Variants in DPH6 observed in about 807,000 individuals in gnomAD.
DPH6 encodes diphthamine biosynthesis 6, also known as diphthine--ammonia ligase.
In DPH6, 33 loss-of-function variants were observed where a neutral mutation model predicts 38.2. The ratio of observed to expected loss-of-function variants is 0.86; its 90% CI spans 0.65 to 1.15. DPH6 has a LOEUF of 1.15. DPH6 is among the 50% of genes most tolerant of loss of function. The pLI, the probability that DPH6 is intolerant of heterozygous loss-of-function variation, is 0.00. For synonymous variants in DPH6, 108 were observed against 103.0 expected, an observed-to-expected ratio of 1.05 and a Z score of -0.30; for missense variants, 325 against 320.0, an observed-to-expected ratio of 1.02 and a Z score of -0.12.
At chr15:35,530,148 A>T (rs947338359) in intron 3 of DPH6, among the ~76,000 whole-genome samples, 1 of 152,194 alleles carries the variant, frequency 6.6e-6, no homozygotes, top group South Asian at 2.1e-4. Flanking sequence ...ATTCTCAGTC[A>T]TTTAATAAGA....
chr15:35,535,526 T>C (rs984858108), intron 3 of DPH6, among the ~76,000 whole-genome samples: 3 of 152,162 alleles, frequency 2.0e-5, no homozygotes, highest in African/African-American at 7.2e-5. Flanking sequence ...CCTACATATA[T>C]TTCCTATAGA....
chr15:35,349,517 A>T (rs1218372952), intron 3 of DPH6, among the ~76,000 whole-genome samples: 1 of 152,024 alleles, frequency 6.6e-6, no homozygotes, highest in Non-Finnish European at 1.5e-5. Context: ...GCTTACTGCA[A>T]CCTCTGCCTT....
intron 3 of DPH6, among the ~76,000 whole-genome samples, chr15:35,483,231 T>C (rs1334259479): frequency 6.6e-6 from 1 of 151,924 alleles, no homozygotes; most frequent in East Asian, 1.9e-4. Flanking sequence ...TTTGGAGTGC[T>C]GAGGCGGGTG....
chr15:35,491,887 CAT>C (rs141160994), intron 3 of DPH6, among the ~76,000 whole-genome samples: 2,260 of 150,822 alleles, frequency 0.015, 30 homozygotes, highest in South Asian at 0.086. Flanking sequence ...TATACACGTA[CAT>C]ATATATATCT....
chr15:35,529,336 C>T (rs1595446224), intron 3 of DPH6, among the ~76,000 whole-genome samples: 1 of 152,142 alleles, frequency 6.6e-6, no homozygotes, highest in South Asian at 2.1e-4. Flanking sequence ...GAGTGAGGTG[C>T]TAAACACTTT....
intron 3 of DPH6, among the ~76,000 whole-genome samples, chr15:35,513,019 A>C (rs911737045): frequency 6.6e-6 from 1 of 152,104 alleles, no homozygotes; most frequent in Non-Finnish European, 1.5e-5. Context: ...ATAGAATATT[A>C]AGTAATCATT....
intron 3 of DPH6, among the ~76,000 whole-genome samples, chr15:35,466,678 T>C (rs963183373): frequency 1.3e-5 from 2 of 152,152 alleles, no homozygotes; most frequent in African/African-American, 4.8e-5. Context: ...ATGAACATCA[T>C]AGAGTGTATT....
chr15:35,463,111 G>A (rs768365881), intron 3 of DPH6, among the ~76,000 whole-genome samples: 34 of 151,928 alleles, frequency 2.2e-4, no homozygotes, highest in Non-Finnish European at 4.4e-4. Flanking sequence ...GCTAAAATTA[G>A]ATACTTTTTG....
At chr15:35,459,243 C>G (rs2054033117) in intron 3 of DPH6, among the ~76,000 whole-genome samples, 1 of 152,188 alleles carries the variant, frequency 6.6e-6, no homozygotes, top group South Asian at 2.1e-4. Flanking sequence ...CTTAAGGCTT[C>G]TCTTCCTGCC....
intron 6 of DPH6, among the ~76,000 whole-genome samples, chr15:35,404,961 A>G (rs967450045): frequency 1.3e-5 from 2 of 152,092 alleles, no homozygotes; most frequent in African/African-American, 4.8e-5. Context: ...AGTTTTCCCT[A>G]CATAATTTAT....
At chr15:35,512,219 A>G (rs190302441) in intron 3 of DPH6, among the ~76,000 whole-genome samples, 2 of 152,288 alleles carry the variant, frequency 1.3e-5, no homozygotes, top group Admixed American at 1.3e-4. Flanking sequence ...CCAATATTCT[A>G]CCACCATTGA....
intron 3 of DPH6, among the ~76,000 whole-genome samples, chr15:35,530,663 C>T (rs2055073334): frequency 6.6e-6 from 1 of 152,284 alleles, no homozygotes; most frequent in East Asian, 1.9e-4. Flanking sequence ...GAGGGAGTCA[C>T]ATTTTCTAGG....
intron 5 of DPH6, among the ~76,000 whole-genome samples, chr15:35,413,483 ATAATTTC>A (rs1242300561): frequency 6.6e-6 from 1 of 151,580 alleles, no homozygotes; most frequent in African/African-American, 2.4e-5. Context: ...GCACAAACTC[ATAATTTC>A]TAAAACTTCT....
chr15:35,225,817 T>G (rs765902620), intron 3 of DPH6, among the ~76,000 whole-genome samples: 1 of 152,258 alleles, frequency 6.6e-6, no homozygotes, highest in Non-Finnish European at 1.5e-5. Context: ...TGACTTTTCT[T>G]AAATTTAAAT....
rs554511598 is a variant in DPH6, at chr15:35,384,132, C to T, written c.568-2216G>A. Among the ~76,000 whole-genome samples, 7 of 152,280 alleles carry T rather than the reference C, an allele frequency of 4.6e-5. No homozygotes were observed. The East Asian group carries it at 7.7e-4, about 17-fold the overall frequency. ...CCCATCTCAGGTCTGTCTCTGGCTT[C>T]GACTCAAAATTGGGATTATTGTATC... On this transcript the variant is annotated intron_variant, in intron 6 of 8. Transcript: ENST00000256538.
chr15:35,201,063 A>C, the DPH6 span, among the ~76,000 whole-genome samples: 1 of 148,424 alleles, frequency 6.7e-6, no homozygotes, highest in South Asian at 2.1e-4. Flanking sequence ...ATATGTATAC[A>C]CACATATTTT....
chr15:35,434,604 A>T (rs2053673013), intron 5 of DPH6, among the ~76,000 whole-genome samples: 1 of 152,192 alleles, frequency 6.6e-6, no homozygotes, highest in East Asian at 1.9e-4. Flanking sequence ...ATGCACGCAC[A>T]CACACATAGA....
At position 35,454,823 on chromosome 15, in the gene DPH6, G is replaced by T; in HGVS notation, c.313-3C>A. ...ATCCCCTCTACTTCTTCTTTTTCCT[G>T]AAAATAAAGAAAAAAACCATAACTT... On this transcript the variant is annotated splice_polypyrimidine_tract_variant and splice_region_variant and intron_variant, in intron 3 of 8. Transcript: ENST00000256538. 1 of 1,585,028 alleles carries T rather than the reference G, an allele frequency of 6.3e-7. No individual in the cohort carries two copies. The highest frequency in any genetic ancestry group is 8.6e-7 in the Non-Finnish European group (1 of 1,168,244).
intron 3 of DPH6, among the ~76,000 whole-genome samples, chr15:35,320,427 G>T (rs528060401): frequency 6.6e-6 from 1 of 152,200 alleles, no homozygotes; most frequent in Non-Finnish European, 1.5e-5. Context: ...CATAAGTCAG[G>T]GGAGACTCTA....
Sources: allele counts gnomAD v4.1 joint callset (sites outside exome capture counted in the v4.1 genomes callset), GRCh38; gene constraint gnomAD v4.1.1; transcripts MANE v1.5; gene names NCBI Gene and HGNC (gene_info 2026-07-23, HGNC 2026-07-21).